Variants in USP48 observed in about 807,000 individuals in gnomAD.
USP48 encodes ubiquitin specific peptidase 48.
Under a neutral mutation model 150.7 loss-of-function variants are expected in USP48, and 43 were observed. The ratio of observed to expected loss-of-function variants is 0.29; its 90% CI spans 0.22 to 0.37. USP48 has a LOEUF of 0.37. Ranked by LOEUF, USP48 falls within the 10% of genes least tolerant of loss-of-function variation. The pLI is 1.00. For synonymous variants in USP48, 396 were observed against 425.9 expected, an observed-to-expected ratio of 0.93 and a Z score of 0.86; for missense variants, 813 against 1,249.6, an observed-to-expected ratio of 0.65 and a Z score of 5.27.
chr1:21,708,927 G>GAAAAC (rs2097682428), intron 15 of USP48, among the ~76,000 whole-genome samples: 1 of 136,872 alleles, frequency 7.3e-6, no homozygotes, highest in Non-Finnish European at 1.6e-5. Context: ...GAAAAGAAAA[G>GAAAAC]AAAACAGAGT....
At chr1:21,704,986 C>A (rs1285107791) in intron 19 of USP48, among the ~76,000 whole-genome samples, 2 of 150,834 alleles carry the variant, frequency 1.3e-5, no homozygotes, top group Non-Finnish European at 3.0e-5. Flanking sequence ...AGATGCACAG[C>A]GAGAGTGAGA....
At chr1:21,713,008 A>T (rs2097694394) in intron 15 of USP48, among the ~76,000 whole-genome samples, 1 of 152,168 alleles carries the variant, frequency 6.6e-6, no homozygotes, top group South Asian at 2.1e-4. Flanking sequence ...GCCTAAAAAA[A>T]TAACCCTTGT....
rs771014217 is a variant in USP48, at chr1:21,706,166, C to T, written c.2233G>A (p.Val745Met). 24 of 1,613,666 alleles carry T rather than the reference C, an allele frequency of 1.5e-5. No homozygotes were observed. In the Middle Eastern group the frequency reaches 6.6e-4, roughly 44 times the overall value. ...WPEDTDVLYI[V>M]SQFFVEEWRK... ...CACTCTTCTACAAAGAACTGAGACA[C>T]GATGTAGAGGACATCCGTATCCTAG... The change falls in exon 18 of 27, where the codon GTG becomes ATG. Residue 745 changes from valine (V) to methionine (M), a missense_variant. Val to Met is a conservative substitution (Grantham distance 21). Coordinates refer to ENST00000308271, the MANE Select transcript of USP48 (RefSeq NM_032236.8).
chr1:21,778,601 TAAAAAA>T (rs35911894), intron 1 of USP48, among the ~76,000 whole-genome samples: 3 of 88,922 alleles, frequency 3.4e-5, no homozygotes, highest in South Asian at 4.6e-4. Flanking sequence ...ACCCTCATCT[TAAAAAA>T]AAAAAAAAAA....
chr1:21,718,416 T>C (rs1489124464), intron 14 of USP48, among the ~76,000 whole-genome samples: 1 of 152,184 alleles, frequency 6.6e-6, no homozygotes, highest in Admixed American at 6.5e-5. Context: ...TTTTGAAATG[T>C]TTTAATGGGG....
At chr1:21,741,341 C>A (rs2097781108) in intron 8 of USP48, among the ~76,000 whole-genome samples, 1 of 152,194 alleles carries the variant, frequency 6.6e-6, no homozygotes, top group Non-Finnish European at 1.5e-5. Context: ...TAGACTGCAA[C>A]CAACTTTTCA....
At chr1:21,694,608 C>CAAACAAAAAAA (rs1491189889) in intron 23 of USP48, among the ~76,000 whole-genome samples, 1,699 of 28,852 alleles carry the variant, frequency 0.059, 116 homozygotes, top group African/African-American at 0.18. Context: ...AAAAAAAAAA[C>CAAACAAAAAAA]CCCCTCTATC....
At position 21,704,402 on chromosome 1, in the gene USP48, A is replaced by T; in HGVS notation, c.2385-10T>A. ...CCATATGAGAGCTATACTGTGCAAA[A>T]AAAAAACACAACATGCCTTAAGACA... On this transcript the variant is annotated splice_polypyrimidine_tract_variant and intron_variant, in intron 19 of 26. Coordinates refer to ENST00000308271, the MANE Select transcript of USP48 (RefSeq NM_032236.8). 1 of 1,587,442 alleles carries T rather than the reference A, an allele frequency of 6.3e-7. No individual in the cohort carries two copies. The highest frequency in any genetic ancestry group is 8.5e-7 in the Non-Finnish European group (1 of 1,172,874).
At chr1:21,711,167 G>A (rs902830916) in intron 15 of USP48, among the ~76,000 whole-genome samples, 1 of 151,960 alleles carries the variant, frequency 6.6e-6, no homozygotes, top group African/African-American at 2.4e-5. Context: ...AAAATTATAA[G>A]GGTTTAAAAG....
chr1:21,680,475 T>C (rs1466268599), intron 26 of USP48, among the ~76,000 whole-genome samples: 1 of 152,208 alleles, frequency 6.6e-6, no homozygotes, highest in African/African-American at 2.4e-5. Flanking sequence ...GGAGGGGACT[T>C]GATAGGAAGA....
intron 8 of USP48, 151 bp downstream of exon 8, chr1:21,746,916 C>T (rs1482428321): frequency 5.2e-6 from 3 of 571,848 alleles, no homozygotes; most frequent in East Asian, 6.0e-5. Context: ...CTTGGCTCTC[C>T]TAAAAAAGTC....
intron 10 of USP48, 25 bp downstream of exon 10, chr1:21,729,679 C>T (rs765067685): frequency 6.2e-7 from 1 of 1,610,228 alleles, no homozygotes; most frequent in Non-Finnish European, 8.5e-7. Flanking sequence ...CATTTGCCTG[C>T]TATAATCCTG....
chr1:21,751,669 TTATA>T, intron 5 of USP48, 54 bp from the exon 6 acceptor site: 1 of 1,303,632 alleles, frequency 7.7e-7, no homozygotes, highest in Non-Finnish European at 1.1e-6. Context: ...AGCAACAAAG[TTATA>T]TTGTATTACA....
chr1:21,744,404 A>G (rs1003553008), intron 8 of USP48, among the ~76,000 whole-genome samples: 2 of 150,634 alleles, frequency 1.3e-5, no homozygotes, highest in African/African-American at 4.9e-5. Flanking sequence ...TCGAAATTGC[A>G]CCACTGCACT....
chr1:21,760,040 C>T (rs1309075566), intron 1 of USP48, among the ~76,000 whole-genome samples: 1 of 152,168 alleles, frequency 6.6e-6, no homozygotes, highest in Non-Finnish European at 1.5e-5. Flanking sequence ...CTAATTGACA[C>T]CACACACCTT....
chr1:21,751,406 C>T, intron 6 of USP48, 101 bp downstream of exon 6: 1 of 860,692 alleles, frequency 1.2e-6, no homozygotes, highest in East Asian at 2.4e-5. Context: ...AAAAAGCTGA[C>T]ACAATAAAAG....
chr1:21,724,114 G>GA lies in USP48; in HGVS notation c.1451-20dup. On this transcript the variant is annotated intron_variant, in intron 11 of 26. Coordinates refer to ENST00000308271, the MANE Select transcript of USP48 (RefSeq NM_032236.8). Reference sequence around the variant, plus strand: ...TAGGGCTCTGAGAAAGCAAGCATCGGAAAGAGCCTATGTATTTTTACAGTT... The same window carrying GA: ...TAGGGCTCTGAGAAAGCAAGCATCGGAAAAGAGCCTATGTATTTTTACAGTT... The GA allele has an allele frequency of 6.2e-7, 1 of 1,612,026 alleles. No individual in the cohort carries two copies. Among genetic ancestry groups the GA allele is most frequent in the Admixed American group, 1.7e-5 (1 of 59,762 alleles).
At chr1:21,691,292 C>T (rs1191971661) in intron 23 of USP48, among the ~76,000 whole-genome samples, 2 of 116,552 alleles carry the variant, frequency 1.7e-5, no homozygotes, top group African/African-American at 6.9e-5. Flanking sequence ...CCAGCCTATA[C>T]AACAAGAGCG....
Position 21,753,132 on chromosome 1 carries a change from A to T in USP48, c.413-13T>A, listed in dbSNP as rs1257241660. 9.4e-6 allele frequency: 15 copies of T among 1,588,980 alleles called. No individual in the cohort carries two copies. The highest frequency in any genetic ancestry group is 1.3e-5 in the Non-Finnish European group (15 of 1,173,194). On this transcript the variant is annotated splice_polypyrimidine_tract_variant and intron_variant, in intron 3 of 26. Coordinates refer to ENST00000308271, the MANE Select transcript of USP48 (RefSeq NM_032236.8). ...TGAGGCTCATAATCTATTAAAACAA[A>T]AATATAGATTTGGGGTTTTTTAAGG...
Sources: allele counts gnomAD v4.1 joint callset (sites outside exome capture counted in the v4.1 genomes callset), GRCh38; gene constraint gnomAD v4.1.1; transcripts MANE v1.5; gene names NCBI Gene and HGNC (gene_info 2026-07-23, HGNC 2026-07-21).